M6PR: variants seen among roughly 807,000 people sequenced by gnomAD.
M6PR encodes the protein mannose-6-phosphate receptor, cation dependent, also known as cation-dependent mannose-6-phosphate receptor.
Under a neutral mutation model 33.1 loss-of-function variants are expected in M6PR, and 19 were observed. The observed-to-expected ratio is 0.57, with a 90% CI of 0.40 to 0.84. The LOEUF (loss-of-function observed/expected upper bound fraction) is 0.84, where lower values mean the gene tolerates loss of function less well. M6PR is among the 40% of genes least tolerant of loss of function. The pLI is 0.00. For missense variants in M6PR, 295 were observed against 336.0 expected (o/e 0.88, Z 0.95); for synonymous variants, 111 against 123.4 (o/e 0.90, Z 0.67).
intron 6 of M6PR, 77 bp from the exon 7 acceptor site, chr12:8,942,017 G>T: frequency 6.6e-7 from 1 of 1,522,572 alleles, no homozygotes; most frequent in Non-Finnish European, 9.0e-7. Flanking sequence ...TTATGGTCTA[G>T]GAATGTGGCA....
At chr12:8,946,695 C>G in intron 1 of M6PR, 1 of 264,812 alleles carries the variant, frequency 3.8e-6, no homozygotes, top group Non-Finnish European at 7.1e-6. Flanking sequence ...ATGATGACAG[C>G]TTGGGTGGAG....
Position 8,941,797 on chromosome 12 carries a change from G to C in M6PR, c.*21C>G, listed in dbSNP as rs370759645. On this transcript the variant is annotated 3_prime_UTR_variant, in exon 7 of 7. Transcript: ENST00000000412. ...TTTGGTTTGGGGGACTGAGGAAGAG[G>C]CTGGACATATAAAGTGCAATCTACA... 3 of 1,613,962 alleles carry C rather than the reference G, an allele frequency of 1.9e-6. No homozygotes were observed. The highest frequency in any genetic ancestry group is 1.7e-5 in the Admixed American group (1 of 60,020).
At chr12:8,947,519 C>T (rs1946113359) in intron 1 of M6PR, among the ~76,000 whole-genome samples, 1 of 152,178 alleles carries the variant, frequency 6.6e-6, no homozygotes, top group Non-Finnish European at 1.5e-5. Flanking sequence ...TCATAGCTAA[C>T]CAAGAGGTCC....
chr12:8,946,178 A>T, intron 2 of M6PR, 51 bp downstream of exon 2: 1 of 1,533,826 alleles, frequency 6.5e-7, no homozygotes, highest in Admixed American at 1.8e-5. Context: ...TAAGAAGAAA[A>T]GACTTTAACA....
intron 6 of M6PR, chr12:8,942,172 AT>A: frequency 1.5e-6 from 1 of 687,586 alleles, no homozygotes; most frequent in Non-Finnish European, 2.4e-6. Flanking sequence ...GCTAAATCAG[AT>A]TTAGAAGAGC....
rs756356392 is a variant in M6PR at position 8,946,399 on chromosome 12, GA to G, written c.5del (p.Phe2SerfsTer20). 6.2e-7 allele frequency: 1 copy of G among 1,613,934 alleles called. No homozygotes were observed. The highest frequency in any genetic ancestry group is 2.2e-5 in the East Asian group (1 of 44,850). On this transcript the variant is annotated frameshift_variant, in exon 2 of 7. Coordinates refer to ENST00000000412, the MANE Select transcript of M6PR (RefSeq NM_002355.4). LOFTEE classifies it high-confidence loss of function. ...CAGTCCTCCAGCAGCTGTAGAAAGG[GA>G]ACATCCTTTGGGAGAGAGTGTGTGT... The part of the protein sequence containing the change: M[F>X]PFYSCWRTGL...
In M6PR at chr12:8,941,512, A is replaced by C. The variant is rs1946007320; in HGVS notation, c.*306T>G. 3.9e-6 allele frequency: 1 copy of C among 256,514 alleles called. No homozygotes were observed. 15.9% of individuals were successfully genotyped at this position (256,514 alleles called of 1,614,324 possible). On this transcript the variant is annotated 3_prime_UTR_variant, in exon 7 of 7. Transcript: ENST00000000412. The stretch of plus-strand genomic sequence containing the variant: ...AAAACAAACGGCCAGTGAGCCTGCT[A>C]CACCATTTTGCCCATATGCCTATTG...
intron 5 of M6PR, chr12:8,943,204 G>A (rs1050927095): frequency 3.3e-6 from 2 of 601,404 alleles, no homozygotes; most frequent in African/African-American, 3.8e-5. Context: ...CATCTGCCTT[G>A]GCTTCCCAAA....
intron 3 of M6PR, 58 bp from the exon 4 acceptor site, chr12:8,943,968 G>C: frequency 9.0e-7 from 1 of 1,108,770 alleles, no homozygotes; most frequent in East Asian, 2.3e-5. Context: ...AGGCAGATCT[G>C]GGTGGTATGG....
At chr12:8,945,634 C>G in intron 2 of M6PR, 50 bp from the exon 3 acceptor site, 1 of 1,509,496 alleles carries the variant, frequency 6.6e-7, no homozygotes, top group Non-Finnish European at 9.1e-7. Context: ...AGCTATCAGC[C>G]TCAGGAATAA....
In M6PR at chr12:8,943,548, T is replaced by C; in HGVS notation, c.454-13A>G. On this transcript the variant is annotated splice_polypyrimidine_tract_variant and intron_variant, in intron 4 of 6. Transcript: ENST00000000412. ...GGTTAAAATTGTCCTGATGATGAGA[T>C]GGCATAACACATTCAGGTGGTTAAG... 1.2e-6 allele frequency: 2 copies of C among 1,614,182 alleles called. No individual in the cohort carries two copies. Among genetic ancestry groups the C allele is most frequent in the Non-Finnish European group, 1.7e-6 (2 of 1,180,008 alleles).
At chr12:8,945,721 ATTTG>A (rs1477333133) in intron 2 of M6PR, 137 bp from the exon 3 acceptor site, 14 of 690,522 alleles carry the variant, frequency 2.0e-5, no homozygotes, top group Non-Finnish European at 3.1e-5. Flanking sequence ...CTGAGTGAAT[ATTTG>A]TTTAATTTTA....
intron 5 of M6PR, 194 bp downstream of exon 5, chr12:8,943,211 C>CA (rs1946048790): frequency 1.5e-6 from 1 of 673,488 alleles, no homozygotes; most frequent in Non-Finnish European, 2.4e-6. Context: ...CTTGGCTTCC[C>CA]AAAGTGCTGG....
chr12:8,946,120 G>T, intron 2 of M6PR, 109 bp downstream of exon 2: 1 of 1,098,320 alleles, frequency 9.1e-7, no homozygotes, highest in Non-Finnish European at 1.3e-6. Flanking sequence ...ACTGGGCTGA[G>T]AATTTGCTCT....
chr12:8,946,683 G>C, intron 1 of M6PR: 1 of 292,264 alleles, frequency 3.4e-6, no homozygotes, highest in South Asian at 8.2e-5. Context: ...ACTTAAAAAA[G>C]AATGATGACA....
At position 8,941,682 on chromosome 12, in the gene M6PR, A is replaced by G; in HGVS notation, c.*136T>C. ...GGCAGTTTTACTAGTGAGAAGATGC[A>G]AATCAAAAGCAAACTGGAAAGCAAG... On this transcript the variant is annotated 3_prime_UTR_variant, in exon 7 of 7. Coordinates refer to ENST00000000412, the MANE Select transcript of M6PR (RefSeq NM_002355.4). 8.9e-7 allele frequency: 1 copy of G among 1,128,544 alleles called. No individual in the cohort carries two copies. Among genetic ancestry groups the G allele is most frequent in the Non-Finnish European group, 1.3e-6 (1 of 774,720 alleles). 69.9% of individuals were successfully genotyped at this position (1,128,544 alleles called of 1,614,324 possible). A position where few individuals can be genotyped will look rare whatever the true frequency, so the allele number is the denominator to read the frequency against.
rs1416132247 is a variant in M6PR at position 8,942,497 on chromosome 12, G to A, written c.630C>T (p.Tyr210=). ...VAVYVVGGFL[Y]QRLVVGAKGM... ...CTTTGGCTCCCACTACCAGTCGCTGGTATAGGAACCCCCCAACAACATAAA... is the reference window on the plus strand; with the variant it reads ...CTTTGGCTCCCACTACCAGTCGCTGATATAGGAACCCCCCAACAACATAAA... The change falls in exon 6 of 7, where the codon TAC becomes TAT. Residue 210 remains tyrosine (Y), a synonymous_variant. Coordinates refer to ENST00000000412, the MANE Select transcript of M6PR (RefSeq NM_002355.4). 6.2e-7 allele frequency: 1 copy of A among 1,614,054 alleles called. No homozygotes were observed. The highest frequency in any genetic ancestry group is 1.3e-5 in the African/African-American group (1 of 74,918).
chr12:8,943,989 T>C, intron 3 of M6PR, 79 bp from the exon 4 acceptor site: 1 of 910,846 alleles, frequency 1.1e-6, no homozygotes, highest in Non-Finnish European at 1.8e-6. Context: ...CAGAGTGGAA[T>C]TGCGTAATTC....
chr12:8,946,212 A>C lies in M6PR; in HGVS notation c.176+17T>G. ...CATAAATATTTTCTCAAGCTCTTTA[A>C]GGTTCTTCTCATTTACCTTTTATTA... On this transcript the variant is annotated intron_variant, in intron 2 of 6. Coordinates refer to ENST00000000412, the MANE Select transcript of M6PR (RefSeq NM_002355.4). 1 of 1,606,644 alleles carries C rather than the reference A, an allele frequency of 6.2e-7. No individual in the cohort carries two copies. Among genetic ancestry groups the C allele is most frequent in the Non-Finnish European group, 8.5e-7 (1 of 1,175,156 alleles).
Sources: gnomAD v4.1 joint callset for allele counts (sites outside exome capture counted in the v4.1 genomes callset) on GRCh38, gnomAD v4.1.1 for gene constraint, MANE v1.5 for transcripts, NCBI Gene and HGNC (gene_info 2026-07-23, HGNC 2026-07-21) for gene names.